THNSL1: variants seen among roughly 807,000 people sequenced by gnomAD.
The protein encoded by THNSL1 is threonine synthase like 1.
In THNSL1, 48 loss-of-function variants were observed where a neutral mutation model predicts 50.4. The observed-to-expected ratio is 0.95, with a 90% confidence interval of 0.76 to 1.21. The LOEUF (loss-of-function observed/expected upper bound fraction) is 1.21. Among genes scored for constraint, THNSL1 ranks in the 50% most tolerant of loss-of-function variants. The pLI is 0.00. For synonymous variants in THNSL1, 309 were observed against 306.1 expected (o/e 1.01, Z -0.10); for missense variants, 896 against 871.7 (o/e 1.03, Z -0.35).
At chr10:24,984,622 C>T in the THNSL1 span, 1 of 1,091,452 alleles carries the variant, frequency 9.2e-7, no homozygotes, top group Non-Finnish European at 1.3e-6. Flanking sequence ...CTGATTAAGA[C>T]TATTTTTATT....
At chr10:24,967,715 G>A in the THNSL1 span, among the ~76,000 whole-genome samples, 7 of 151,444 alleles carry the variant, frequency 4.6e-5, no homozygotes, top group Non-Finnish European at 5.9e-5. Flanking sequence ...GTGTGTATAC[G>A]TGTGTGATAT....
At chr10:25,013,934 C>A (rs1338335360), upstream of THNSL1, among the ~76,000 whole-genome samples, 4 of 149,598 alleles carry the variant, frequency 2.7e-5, no homozygotes, top group African/African-American at 9.9e-5. Context: ...AAGAGTGAAA[C>A]TCCGTCTTGA....
At chr10:24,954,884 A>G in the THNSL1 span, among the ~76,000 whole-genome samples, 1 of 152,246 alleles carries the variant, frequency 6.6e-6, no homozygotes, top group Admixed American at 6.5e-5. Context: ...CATCTGTCCA[A>G]GGCTTTATTC....
the THNSL1 span, among the ~76,000 whole-genome samples, chr10:24,995,143 A>C: frequency 6.6e-6 from 1 of 152,208 alleles, no homozygotes; most frequent in Non-Finnish European, 1.5e-5. Flanking sequence ...ACCCAAAACC[A>C]AAACCAAATA....
chr10:24,981,942 C>A, the THNSL1 span: 1 of 152,130 alleles, frequency 6.6e-6, no homozygotes, highest in Admixed American at 6.5e-5. Flanking sequence ...CCAAGTCTGA[C>A]TTATGTCATG....
chr10:24,977,979 G>A, the THNSL1 span, among the ~76,000 whole-genome samples: 752 of 152,194 alleles, frequency 4.9e-3, 8 homozygotes, highest in African/African-American at 0.018. Flanking sequence ...CTAAGGTAAA[G>A]CAGTTTTAAC....
chr10:24,977,679 G>A, the THNSL1 span, among the ~76,000 whole-genome samples: 1 of 152,094 alleles, frequency 6.6e-6, no homozygotes. Context: ...AAATGTTATT[G>A]CATGTTCTCA....
At position 25,016,697 on chromosome 10, in the gene THNSL1, G is replaced by C. The variant is rs1715612539; in HGVS notation, c.-216+5G>C. 6.6e-6 allele frequency: 1 copy of C among 152,358 alleles called. No individual in the cohort carries two copies. The highest frequency in any genetic ancestry group is 6.5e-5 in the Admixed American group (1 of 15,282). The allele number at this position is 152,358 out of a possible 1,614,324, so 9.4% of individuals were successfully genotyped here. On this transcript the variant is annotated splice_donor_5th_base_variant and intron_variant, in intron 1 of 2. Transcript: ENST00000376356. The stretch of plus-strand genomic sequence containing the variant: ...GGACCGGGGAGCTAGCTGCAGGTAC[G>C]GTGCTCCGTCTCCTGTGGAGGCTTT...
At chr10:24,965,435 G>A in the THNSL1 span, among the ~76,000 whole-genome samples, 9 of 152,288 alleles carry the variant, frequency 5.9e-5, no homozygotes, top group East Asian at 1.7e-3. Flanking sequence ...GCCCTAAAGA[G>A]AGATTATGCA....
the THNSL1 span, among the ~76,000 whole-genome samples, chr10:24,990,809 A>G: frequency 3.3e-5 from 5 of 152,042 alleles, no homozygotes; most frequent in South Asian, 1.0e-3. Context: ...TGGAGTTGTT[A>G]TTGCCCAGGC....
chr10:25,025,722 C>T lies in THNSL1; in HGVS notation c.*267C>T, dbSNP rs1054985691. The T allele has an allele frequency of 7.8e-6, 3 of 382,986 alleles. No homozygotes were observed. In the East Asian group the frequency reaches 1.4e-4, roughly 18 times the overall value. 23.7% of individuals were successfully genotyped at this position (382,986 alleles called of 1,614,324 possible). On this transcript the variant is annotated 3_prime_UTR_variant, in exon 3 of 3. Transcript: ENST00000376356. Reference sequence around the variant, plus strand: ...CTGCTCATGAGGGGTGTATCAATTTCCACTCCCACACCCTCACTGTTATGT... The same window carrying T: ...CTGCTCATGAGGGGTGTATCAATTTTCACTCCCACACCCTCACTGTTATGT...
the THNSL1 span, chr10:24,952,398 C>T: frequency 1.9e-5 from 21 of 1,107,304 alleles, no homozygotes; most frequent in Non-Finnish European, 2.5e-5. The surrounding 1 kb of genome is among the most constrained non-coding windows in gnomAD (Gnocchi z 5.1). Flanking sequence ...GGAAGCGATC[C>T]CCGCCGGGAG....
chr10:25,023,574 A>G lies in THNSL1; in HGVS notation c.351A>G (p.Lys117=), dbSNP rs756477828. 6.2e-7 allele frequency: 1 copy of G among 1,614,146 alleles called. No homozygotes were observed. Among genetic ancestry groups the G allele is most frequent in the Non-Finnish European group, 8.5e-7 (1 of 1,180,008 alleles). Residue 117 remains lysine, a synonymous_variant, in exon 3 of 3, where the codon AAA becomes AAG. Transcript: ENST00000376356. ...GNEQFLEEEG[K]AVLNFSASGS... ...AGCAATTTTTAGAAGAGGAAGGAAA[A>G]GCTGTGTTAAACTTCTCTGCATCTG...
At chr10:24,987,067 G>A in the THNSL1 span, among the ~76,000 whole-genome samples, 1 of 152,168 alleles carries the variant, frequency 6.6e-6, no homozygotes, top group African/African-American at 2.4e-5. Flanking sequence ...CCTCTGGCCT[G>A]AGTTCAGCCA....
the THNSL1 span, among the ~76,000 whole-genome samples, chr10:24,955,463 C>T: frequency 0.44 from 67,484 of 151,976 alleles, 15,616 homozygotes; most frequent in African/African-American, 0.59. Flanking sequence ...TTTTCTCATC[C>T]ATAAAATGGA....
At chr10:24,967,478 C>T in the THNSL1 span, among the ~76,000 whole-genome samples, 1 of 152,190 alleles carries the variant, frequency 6.6e-6, no homozygotes, top group Non-Finnish European at 1.5e-5. Context: ...TAGCTCTTCT[C>T]TTTCTTTCAG....
At chr10:24,978,155 T>G in the THNSL1 span, among the ~76,000 whole-genome samples, 2 of 152,210 alleles carry the variant, frequency 1.3e-5, no homozygotes, top group African/African-American at 4.8e-5. Flanking sequence ...TTTGCAGGTA[T>G]AATTGGTATT....
At chr10:25,003,717 T>A in the THNSL1 span, among the ~76,000 whole-genome samples, 2 of 152,226 alleles carry the variant, frequency 1.3e-5, no homozygotes, top group East Asian at 3.8e-4. Flanking sequence ...TGTGCAGATT[T>A]GTTATATAGG....
At chr10:24,972,510 A>G in the THNSL1 span, among the ~76,000 whole-genome samples, 1 of 148,854 alleles carries the variant, frequency 6.7e-6, no homozygotes, top group Non-Finnish European at 1.5e-5. Context: ...TCTGTCTCAA[A>G]AAAAAAAAAA....
Sources: allele counts gnomAD v4.1 joint callset (sites outside exome capture counted in the v4.1 genomes callset), GRCh38; gene constraint gnomAD v4.1.1; non-coding constraint Gnocchi (gnomAD v3.1); transcripts MANE v1.5; gene names NCBI Gene and HGNC (gene_info 2026-07-23, HGNC 2026-07-21).